The following TTLL9 variants were observed in gnomAD, a reference collection of about 807,000 sequenced individuals.
TTLL9 encodes probable tubulin polyglutamylase TTLL9.
Under a neutral mutation model 65.6 loss-of-function variants are expected in TTLL9, and 47 were observed. The observed-to-expected ratio is 0.72, with a 90% CI of 0.57 to 0.91. TTLL9 has a LOEUF of 0.91. Among genes scored for constraint, TTLL9 ranks in the 40% least tolerant of loss-of-function variants. TTLL9 has a pLI of 0.00. For synonymous variants in TTLL9, 179 were observed against 204.8 expected (o/e 0.87, Z 1.07); for missense variants, 537 against 568.8 (o/e 0.94, Z 0.57).
Position 31,907,922 on chromosome 20 carries a change from C to T in TTLL9, c.207-669C>T, listed in dbSNP as rs574935213. 3.9e-4 allele frequency among the ~76,000 whole-genome samples: 60 copies of T among 152,160 alleles called. 1 individual carries two copies. Among genetic ancestry groups the T allele is most frequent in the African/African-American group, 1.3e-3 (54 of 41,520 alleles). ...TATTTCCTGTGGCATCTTTTTCAAACACCTCCTCCCCGCACCCCAGCTCTG... is the reference window on the plus strand; with the variant it reads ...TATTTCCTGTGGCATCTTTTTCAAATACCTCCTCCCCGCACCCCAGCTCTG... On this transcript the variant is annotated intron_variant, in intron 4 of 14. Transcript: ENST00000535842.
chr20:31,942,341 G>A (rs2064224528), intron 14 of TTLL9, among the ~76,000 whole-genome samples: 1 of 152,174 alleles, frequency 6.6e-6, no homozygotes, highest in Non-Finnish European at 1.5e-5. Flanking sequence ...AGCAGCTCAC[G>A]GCAGCCTCAG....
chr20:31,919,579 G>A (rs2063784785), intron 6 of TTLL9, among the ~76,000 whole-genome samples: 1 of 152,180 alleles, frequency 6.6e-6, no homozygotes, highest in Admixed American at 6.5e-5. Flanking sequence ...ATGTTCCCAG[G>A]ACTGTTAGAA....
chr20:31,875,683 A>C (rs1024813422), intron 2 of TTLL9, among the ~76,000 whole-genome samples: 3 of 152,172 alleles, frequency 2.0e-5, no homozygotes, highest in African/African-American at 7.2e-5. Context: ...TTCCTCTATC[A>C]TATTATTGTT....
chr20:31,918,570 C>T (rs567717618), intron 6 of TTLL9, among the ~76,000 whole-genome samples: 1 of 152,228 alleles, frequency 6.6e-6, no homozygotes, highest in Non-Finnish European at 1.5e-5. Flanking sequence ...GCGATGTGAT[C>T]TCAAGGTCTT....
chr20:31,935,722 A>G (rs1456341304), intron 12 of TTLL9, among the ~76,000 whole-genome samples: 1 of 152,240 alleles, frequency 6.6e-6, no homozygotes, highest in Non-Finnish European at 1.5e-5. Flanking sequence ...CTTGGACACC[A>G]GCTACTGCAG....
rs2063596358 is a variant in TTLL9 at position 31,908,656 on chromosome 20, A to G, written c.272A>G (p.Tyr91Cys). The G allele has an allele frequency of 1.2e-6, 2 of 1,614,042 alleles. No homozygotes were observed. Among genetic ancestry groups the G allele is most frequent in the Non-Finnish European group, 1.7e-6 (2 of 1,180,032 alleles). ...CTCCGGGAGAACTTCGACCACACCTACATGGATGAACATGTGCGGATCAGT... is the reference window on the plus strand; with the variant it reads ...CTCCGGGAGAACTTCGACCACACCTGCATGGATGAACATGTGCGGATCAGT... ...SWLRENFDHT[Y>C]MDEHVRISHF... The change falls in exon 5 of 15, where the codon TAC becomes TGC. Residue 91 changes from tyrosine to cysteine, a missense_variant. Tyr to Cys is a radical substitution (Grantham distance 194, BLOSUM62 -2). Around this residue, in one of 3 missense-constraint regions of TTLL9, gnomAD observed 320 missense variants for 311.0 expected, o/e 1.03. Transcript: ENST00000535842.
chr20:31,935,819 GA>G (rs2064099302), intron 12 of TTLL9, among the ~76,000 whole-genome samples: 1 of 152,214 alleles, frequency 6.6e-6, no homozygotes, highest in Non-Finnish European at 1.5e-5. Flanking sequence ...CTGGCCTGCT[GA>G]GACCCCTAAA....
At position 31,944,992 on chromosome 20, in the gene TTLL9, T is replaced by C. The variant is rs542559175; in HGVS notation, c.*1971T>C. 6.6e-6 allele frequency: 1 copy of C among 152,350 alleles called. No homozygotes were observed. The highest frequency in any genetic ancestry group is 1.9e-4 in the East Asian group (1 of 5,182). 9.4% of individuals were successfully genotyped at this position (152,350 alleles called of 1,614,324 possible). ...ATTCAGCTAACATTTATTGAGCCCT[T>C]AATGAACACATAAGAGTTTTGACTT... is the stretch of plus-strand genomic sequence containing the variant. On this transcript the variant is annotated 3_prime_UTR_variant, in exon 15 of 15. Coordinates refer to ENST00000535842, the MANE Select transcript of TTLL9 (RefSeq NM_001008409.5).
chr20:31,913,266 C>T (rs1272762721), intron 6 of TTLL9, among the ~76,000 whole-genome samples: 1 of 152,178 alleles, frequency 6.6e-6, no homozygotes, highest in Non-Finnish European at 1.5e-5. Context: ...CAAGTTGACA[C>T]GTAAAATTAA....
At chr20:31,909,986 A>G in intron 6 of TTLL9, 64 bp downstream of exon 6, 2 of 1,503,544 alleles carry the variant, frequency 1.3e-6, no homozygotes, top group Non-Finnish European at 1.8e-6. Flanking sequence ...AGCAGGGATC[A>G]GGTGCAGACA....
chr20:31,916,362 T>A (rs1313950263), intron 6 of TTLL9, among the ~76,000 whole-genome samples: 1 of 152,212 alleles, frequency 6.6e-6, no homozygotes, highest in East Asian at 1.9e-4. Flanking sequence ...CAGGAAATAT[T>A]GTCGTGGTTG....
intron 10 of TTLL9, among the ~76,000 whole-genome samples, chr20:31,930,294 A>G (rs1171897535): frequency 2.0e-5 from 3 of 152,168 alleles, no homozygotes; most frequent in East Asian, 1.9e-4. Flanking sequence ...TCTTGCAAAT[A>G]TTCTGTGAGT....
intron 8 of TTLL9, among the ~76,000 whole-genome samples, chr20:31,924,578 T>C (rs576501899): frequency 1.4e-3 from 211 of 146,636 alleles, no homozygotes; most frequent in African/African-American, 4.7e-3. Flanking sequence ...TTATACCTTG[T>C]GCGTTTTTTT....
At chr20:31,889,584 G>A (rs56834520) in intron 3 of TTLL9, among the ~76,000 whole-genome samples, 18,586 of 151,732 alleles carry the variant, frequency 0.12, 1,377 homozygotes, top group Middle Eastern at 0.23. Context: ...CACCACACCT[G>A]GCTAATTTTT....
At chr20:31,893,918 G>A (rs534569553) in intron 3 of TTLL9, among the ~76,000 whole-genome samples, 5 of 151,914 alleles carry the variant, frequency 3.3e-5, no homozygotes, top group South Asian at 2.1e-4. Context: ...ATTATCTCAC[G>A]AGTCACTGAG....
chr20:31,877,266 G>C (rs1270717273), intron 2 of TTLL9, among the ~76,000 whole-genome samples: 2 of 152,168 alleles, frequency 1.3e-5, no homozygotes, highest in Non-Finnish European at 2.9e-5. Flanking sequence ...AGCCTCCCGA[G>C]TAACTGGGAT....
At chr20:31,887,125 C>T in intron 2 of TTLL9, 71 bp from the exon 3 acceptor site, 2 of 1,495,702 alleles carry the variant, frequency 1.3e-6, no homozygotes, top group Admixed American at 1.7e-5. Flanking sequence ...TTAATATCTG[C>T]AGTAAGTTAA....
At chr20:31,928,627 A>G (rs2063950780) in intron 10 of TTLL9, among the ~76,000 whole-genome samples, 1 of 152,048 alleles carries the variant, frequency 6.6e-6, no homozygotes, top group African/African-American at 2.4e-5. Context: ...ATCACCCTTG[A>G]TCCCTTAAAT....
intron 4 of TTLL9, 79 bp downstream of exon 4, chr20:31,898,644 C>T: frequency 4.5e-6 from 6 of 1,324,022 alleles, no homozygotes; most frequent in Non-Finnish European, 6.4e-6. Flanking sequence ...TCTCCCAGTT[C>T]CCCTGGGTGG....
Sources: allele counts gnomAD v4.1 joint callset (sites outside exome capture counted in the v4.1 genomes callset), GRCh38; gene constraint gnomAD v4.1.1; regional missense constraint gnomAD v4.1.1; transcripts MANE v1.5; gene names NCBI Gene and HGNC (gene_info 2026-07-23, HGNC 2026-07-21).